The following BCL2L1 variants were observed in gnomAD, a reference collection of about 807,000 sequenced individuals.
The protein encoded by BCL2L1 is BCL2 like 1.
In BCL2L1, 1 loss-of-function variant was observed where a neutral mutation model predicts 18.7. That is an observed-to-expected ratio of 0.05 (90% CI 0.02 to 0.25). The LOEUF (loss-of-function observed/expected upper bound fraction) is 0.25. Ranked by LOEUF, BCL2L1 falls within the 10% of genes least tolerant of loss-of-function variation. BCL2L1 has a pLI of 1.00. For synonymous variants in BCL2L1, 103 were observed against 122.7 expected (o/e 0.84, Z 1.06); for missense variants, 207 against 304.9 (o/e 0.68, Z 2.39).
intron 2 of BCL2L1, among the ~76,000 whole-genome samples, chr20:31,698,687 A>G (rs1038071950): frequency 2.6e-5 from 4 of 151,994 alleles, no homozygotes; most frequent in Admixed American, 1.3e-4. Context: ...TACAGGTGCG[A>G]AACACCACAC....
intron 2 of BCL2L1, among the ~76,000 whole-genome samples, chr20:31,682,871 C>G (rs531461104): frequency 1.3e-5 from 2 of 152,278 alleles, no homozygotes; most frequent in Admixed American, 1.3e-4. Context: ...CCTTAAATCC[C>G]CTCTAACACT....
intron 2 of BCL2L1, among the ~76,000 whole-genome samples, chr20:31,697,612 T>C (rs2061196933): frequency 6.6e-6 from 1 of 152,086 alleles, no homozygotes; most frequent in Non-Finnish European, 1.5e-5. Flanking sequence ...TAATTTTTTG[T>C]ATTTTTAGTA....
chr20:31,708,318 TCCCCTGGGCAAGAAG>T (rs938339710), intron 2 of BCL2L1, among the ~76,000 whole-genome samples: 1 of 152,104 alleles, frequency 6.6e-6, no homozygotes, highest in African/African-American at 2.4e-5. Context: ...GGCTCTTTCC[TCCCCTGGGCAAGAAG>T]CCTGTACATG....
upstream of BCL2L1, chr20:31,723,548 C>T: frequency 1.0e-6 from 1 of 984,178 alleles, no homozygotes; most frequent in Non-Finnish European, 1.2e-6. Flanking sequence ...GCCGAGCCAC[C>T]GCCCCGTTGC....
rs1409340420 is a variant in BCL2L1 at position 31,722,126 on chromosome 20, T to C, written c.93A>G (p.Glu31=). The change falls in exon 2 of 3, where the codon GAA becomes GAG. Residue 31 remains glutamate, a synonymous_variant. Transcript: ENST00000307677. ...CTTCTGGGGCCTCAGTCCTGTTCTC[T>C]TCCACATCACTAAACTGACTCCAGC... ...GYSWSQFSDV[E]ENRTEAPEGT... The C allele has an allele frequency of 3.9e-6, 6 of 1,543,642 alleles. No homozygotes were observed. Among genetic ancestry groups the C allele is most frequent in the Non-Finnish European group, 5.2e-6 (6 of 1,148,426 alleles).
intron 2 of BCL2L1, among the ~76,000 whole-genome samples, chr20:31,715,913 C>T (rs1450666338): frequency 6.6e-6 from 1 of 152,024 alleles, no homozygotes; most frequent in Non-Finnish European, 1.5e-5. Flanking sequence ...CTCACTGCAA[C>T]CTCCACCTCC....
At chr20:31,674,149 C>T (rs2060718853) in intron 2 of BCL2L1, among the ~76,000 whole-genome samples, 1 of 152,232 alleles carries the variant, frequency 6.6e-6, no homozygotes, top group South Asian at 2.1e-4. Flanking sequence ...GATGTCCAAT[C>T]TTGCCATCTT....
At chr20:31,671,716 G>C (rs1382996909) in intron 2 of BCL2L1, among the ~76,000 whole-genome samples, 3 of 151,906 alleles carry the variant, frequency 2.0e-5, no homozygotes, top group Admixed American at 2.0e-4. Flanking sequence ...GTGAAGTGAA[G>C]CATTCTTAGA....
intron 2 of BCL2L1, among the ~76,000 whole-genome samples, chr20:31,684,658 C>T (rs1006841660): frequency 2.4e-4 from 37 of 152,274 alleles, no homozygotes; most frequent in South Asian, 1.0e-3. Flanking sequence ...CTCCACATTC[C>T]GGATGGTCTG....
rs756076815 is a variant in BCL2L1, at chr20:31,721,824, C to T, written c.395G>A (p.Arg132Gln). Residue 132 changes from arginine (R) to glutamine (Q), a missense_variant, in exon 2 of 3, where the codon CGG (arginine) becomes CAG (glutamine). By Grantham distance (43) the Arg-to-Gln change is conservative (BLOSUM62 1). Transcript: ENST00000307677. ...SFEQVVNELF[R>Q]DGVNWGRIVA... ...AATGCGACCCCAGTTTACCCCATCC[C>T]GGAAGAGTTCATTCACTACCTGTTC... The T allele has an allele frequency of 1.3e-5, 21 of 1,614,094 alleles. No individual in the cohort carries two copies. The highest frequency in any genetic ancestry group is 2.2e-5 in the South Asian group (2 of 91,090).
chr20:31,686,109 A>G (rs2060951293), intron 2 of BCL2L1: 1 of 152,000 alleles, frequency 6.6e-6, no homozygotes, highest in Non-Finnish European at 1.5e-5. Context: ...TGGGTCCCCA[A>G]CCCCCTTCTG....
chr20:31,675,456 G>T (rs1265523511), intron 2 of BCL2L1, among the ~76,000 whole-genome samples: 3 of 152,200 alleles, frequency 2.0e-5, no homozygotes, highest in African/African-American at 7.2e-5. Context: ...TAGGGCAAAC[G>T]GAGAGGCCTT....
At chr20:31,699,647 A>AG (rs1275731471) in intron 2 of BCL2L1, among the ~76,000 whole-genome samples, 1 of 152,226 alleles carries the variant, frequency 6.6e-6, no homozygotes, top group African/African-American at 2.4e-5. Flanking sequence ...AGAGTGGAGC[A>AG]GGGGAAAGAA....
chr20:31,691,152 CAAAAAAAAAAAAA>C (rs539012918), intron 2 of BCL2L1, among the ~76,000 whole-genome samples: 28 of 24,850 alleles, frequency 1.1e-3, no homozygotes, highest in East Asian at 5.6e-3. Flanking sequence ...GACTCTGTCT[CAAAAAAAAAAAAA>C]AAAAAAAAAA....
At chr20:31,693,075 AAAAAAC>A (rs1555869956) in intron 2 of BCL2L1, among the ~76,000 whole-genome samples, 4 of 150,814 alleles carry the variant, frequency 2.7e-5, no homozygotes, top group African/African-American at 4.9e-5. Flanking sequence ...TCTCAAAAAA[AAAAAAC>A]AAAAACAAAA....
chr20:31,704,017 C>T (rs2061329731), intron 2 of BCL2L1, among the ~76,000 whole-genome samples: 1 of 147,146 alleles, frequency 6.8e-6, no homozygotes, highest in South Asian at 2.2e-4. Context: ...AGGCTGGTAT[C>T]GAACTCCTGA....
Position 31,722,747 on chromosome 20 carries a change from A to G in BCL2L1, c.-260T>C, listed in dbSNP as rs1454603706. On this transcript the variant is annotated 5_prime_UTR_variant, in exon 1 of 3. Transcript: ENST00000307677. ...CGGCCTCGCGGTGGCTGGCAAAAAA[A>G]CCAGCTCCGGCCGGAGGGATCATGC... 6.6e-6 allele frequency: 1 copy of G among 152,340 alleles called. No individual in the cohort carries two copies. The highest frequency in any genetic ancestry group is 1.9e-4 in the East Asian group (1 of 5,172). The allele number at this position is 152,340 out of a possible 1,614,324, so 9.4% of individuals were successfully genotyped here.
At chr20:31,723,276 C>A (rs905574934), upstream of BCL2L1, 1 of 985,606 alleles carries the variant, frequency 1.0e-6, no homozygotes, top group African/African-American at 1.7e-5. Flanking sequence ...GTCCTCCATT[C>A]CCCGCCCGGA....
chr20:31,665,880 G>A lies in BCL2L1; in HGVS notation c.*69C>T, dbSNP rs2060578549. 3.2e-6 allele frequency: 5 copies of A among 1,572,174 alleles called. No individual in the cohort carries two copies. The highest frequency in any genetic ancestry group is 2.3e-4 in the Middle Eastern group (1 of 4,400). On this transcript the variant is annotated 3_prime_UTR_variant, in exon 3 of 3. Coordinates refer to ENST00000307677, the MANE Select transcript of BCL2L1 (RefSeq NM_138578.3). Reference sequence around the variant, plus strand: ...TGTAGTGGTTCTCCTGGTGGCAATGGCGGCTGGACGGAGGATGTGGTGGAG... The same window carrying A: ...TGTAGTGGTTCTCCTGGTGGCAATGACGGCTGGACGGAGGATGTGGTGGAG...
Sources: allele counts gnomAD v4.1 joint callset (sites outside exome capture counted in the v4.1 genomes callset), GRCh38; gene constraint gnomAD v4.1.1; transcripts MANE v1.5; gene names NCBI Gene and HGNC (gene_info 2026-07-23, HGNC 2026-07-21).